The following NCKAP5 variants were observed in gnomAD, a reference collection of about 807,000 sequenced individuals.
The protein encoded by NCKAP5 is nck-associated protein 5.
A neutral mutation model predicts 167.0 loss-of-function variants in NCKAP5; 92 were observed. The ratio of observed to expected loss-of-function variants is 0.55; its 90% CI spans 0.47 to 0.66. NCKAP5 has a LOEUF of 0.66. Ranked by LOEUF, NCKAP5 falls within the 30% of genes least tolerant of loss-of-function variation. The pLI, the probability that NCKAP5 is intolerant of heterozygous loss-of-function variation, is 0.00. For synonymous variants in NCKAP5, 891 were observed against 877.4 expected, an observed-to-expected ratio of 1.02 and a Z score of -0.27; for missense variants, 2,378 against 2,315.0, an observed-to-expected ratio of 1.03 and a Z score of -0.56.
intron 8 of NCKAP5, among the ~76,000 whole-genome samples, chr2:132,896,974 C>A (rs1693259375): frequency 6.6e-6 from 1 of 152,118 alleles, no homozygotes; most frequent in Non-Finnish European, 1.5e-5. Context: ...TCTTACTAGA[C>A]CACATCATCT....
intron 4 of NCKAP5, among the ~76,000 whole-genome samples, chr2:133,258,938 G>T (rs560030988): frequency 6.6e-6 from 1 of 152,082 alleles, no homozygotes; most frequent in Admixed American, 6.5e-5. Flanking sequence ...ATATCCAACA[G>T]AACTAGCCTT....
Position 132,672,964 on chromosome 2 carries a change from C to G in NCKAP5, c.*325G>C. 1.0e-5 allele frequency: 1 copy of G among 100,068 alleles called. No individual in the cohort carries two copies. Among genetic ancestry groups the G allele is most frequent in the Non-Finnish European group, 1.6e-5 (1 of 62,842 alleles). The allele number at this position is 100,068 out of a possible 1,614,324, so 6.2% of individuals were successfully genotyped here. The stretch of plus-strand genomic sequence containing the variant: ...TCTCTATCAAGCGGTGCACCCCCCA[C>G]CCCCCACCCATCATTTCTTAAGCGC... On this transcript the variant is annotated 3_prime_UTR_variant, in exon 20 of 20. Transcript: ENST00000409261.
At chr2:133,505,918 A>T (rs542905077) in intron 3 of NCKAP5, among the ~76,000 whole-genome samples, 1 of 152,232 alleles carries the variant, frequency 6.6e-6, no homozygotes, top group Non-Finnish European at 1.5e-5. Flanking sequence ...ATAGGGTGCC[A>T]CAGCCTCCAA....
chr2:132,953,432 C>T (rs1440598106), intron 8 of NCKAP5, among the ~76,000 whole-genome samples: 1 of 152,180 alleles, frequency 6.6e-6, no homozygotes, highest in African/African-American at 2.4e-5. Context: ...ACACACCTTA[C>T]ATTTTTCTAA....
intron 5 of NCKAP5, among the ~76,000 whole-genome samples, chr2:133,131,202 T>C (rs942645567): frequency 1.4e-4 from 22 of 152,286 alleles, no homozygotes; most frequent in Admixed American, 3.9e-4. Context: ...AGAATCTAGA[T>C]GTGAATCCTG....
chr2:133,330,277 G>A (rs1308701103), intron 3 of NCKAP5, among the ~76,000 whole-genome samples: 1 of 140,424 alleles, frequency 7.1e-6, no homozygotes, highest in Non-Finnish European at 1.5e-5. Flanking sequence ...TAGAGATGGG[G>A]TTTCACCATG....
rs527560493 is a variant in NCKAP5 at position 133,535,616 on chromosome 2, A to C, written c.-61-18029T>G. Among the ~76,000 whole-genome samples, 258 of 151,890 alleles carry C rather than the reference A, an allele frequency of 1.7e-3. 2 individuals are homozygous for C. The highest frequency in any genetic ancestry group is 5.7e-3 in the African/African-American group (237 of 41,468). The stretch of plus-strand genomic sequence containing the variant: ...TGCTACTGTGAATAGTGCCAAAATA[A>C]ATATGATATAATGACTTATTTTCCT... On this transcript the variant is annotated intron_variant, in intron 2 of 19. Coordinates refer to ENST00000409261, the MANE Select transcript of NCKAP5 (RefSeq NM_207363.3).
chr2:133,379,936 G>A (rs1686402264), intron 3 of NCKAP5, among the ~76,000 whole-genome samples: 1 of 152,234 alleles, frequency 6.6e-6, no homozygotes, highest in African/African-American at 2.4e-5. Flanking sequence ...GTGAATAGAT[G>A]TATGTACATA....
At chr2:133,636,729 G>A in the NCKAP5 span, among the ~76,000 whole-genome samples, 2 of 152,096 alleles carry the variant, frequency 1.3e-5, no homozygotes, top group African/African-American at 4.8e-5. Flanking sequence ...GCAAATGCTG[G>A]GTCAGTAACT....
At chr2:133,628,833 C>T in the NCKAP5 span, among the ~76,000 whole-genome samples, 2 of 152,130 alleles carry the variant, frequency 1.3e-5, no homozygotes, top group African/African-American at 4.8e-5. Context: ...AATAAGACCA[C>T]ACATATACAA....
intron 4 of NCKAP5, among the ~76,000 whole-genome samples, chr2:133,258,079 T>C (rs1297705708): frequency 6.6e-6 from 1 of 152,212 alleles, no homozygotes; most frequent in Non-Finnish European, 1.5e-5. Context: ...TTAGCTGGGT[T>C]GCGTTTTAAG....
At chr2:133,330,053 CTTTTTT>C (rs1165568563) in intron 3 of NCKAP5, among the ~76,000 whole-genome samples, 2 of 85,692 alleles carry the variant, frequency 2.3e-5, no homozygotes, top group East Asian at 3.2e-4. Context: ...AAAGCAAGAC[CTTTTTT>C]TTTTTTTTTT....
intron 3 of NCKAP5, among the ~76,000 whole-genome samples, chr2:133,448,015 T>A (rs1691312400): frequency 6.6e-6 from 1 of 152,134 alleles, no homozygotes; most frequent in South Asian, 2.1e-4. Context: ...AACATGCCTA[T>A]TAAACATGTC....
At chr2:133,364,442 T>A (rs1212554202) in intron 3 of NCKAP5, among the ~76,000 whole-genome samples, 1 of 152,120 alleles carries the variant, frequency 6.6e-6, no homozygotes, top group Non-Finnish European at 1.5e-5. Flanking sequence ...TCTCTTTATA[T>A]CTCCCATCCA....
intron 4 of NCKAP5, among the ~76,000 whole-genome samples, chr2:133,298,591 C>T (rs1680127959): frequency 6.6e-6 from 1 of 152,078 alleles, no homozygotes; most frequent in South Asian, 2.1e-4. Context: ...TCAAAGAGCC[C>T]ATGAAACCAT....
intron 3 of NCKAP5, among the ~76,000 whole-genome samples, chr2:133,387,827 G>C (rs1282397604): frequency 1.3e-5 from 2 of 152,092 alleles, no homozygotes; most frequent in Non-Finnish European, 2.9e-5. Flanking sequence ...TCTTCCAGTT[G>C]ATCAAATCGG....
chr2:133,052,830 A>C (rs1486328852), intron 6 of NCKAP5, among the ~76,000 whole-genome samples: 2 of 152,198 alleles, frequency 1.3e-5, no homozygotes, highest in African/African-American at 2.4e-5. Flanking sequence ...CAACAATAGA[A>C]TATTTGTTCA....
chr2:133,629,226 G>A, the NCKAP5 span, among the ~76,000 whole-genome samples: 1 of 152,142 alleles, frequency 6.6e-6, no homozygotes, highest in East Asian at 1.9e-4. Context: ...GAAAATTTTT[G>A]CAGTCTATCC....
At chr2:133,538,952 T>C (rs1422934512) in intron 2 of NCKAP5, among the ~76,000 whole-genome samples, 302 of 142,050 alleles carry the variant, frequency 2.1e-3, no homozygotes, top group Non-Finnish European at 3.5e-3. Context: ...TTTTTTTTTT[T>C]TTTTTTGAGA....
Sources: allele counts gnomAD v4.1 joint callset (sites outside exome capture counted in the v4.1 genomes callset), GRCh38; gene constraint gnomAD v4.1.1; transcripts MANE v1.5; gene names NCBI Gene and HGNC (gene_info 2026-07-23, HGNC 2026-07-21).